RDX: variants seen among roughly 807,000 people sequenced by gnomAD.
RDX encodes the protein deafness, autosomal recessive 24.
A neutral mutation model predicts 83.7 loss-of-function variants in RDX; 32 were observed. The observed-to-expected ratio is 0.38, with a 90% CI of 0.29 to 0.51. The LOEUF (loss-of-function observed/expected upper bound fraction) is 0.51, where lower values mean the gene tolerates loss of function less well. RDX is among the 20% of genes least tolerant of loss of function. RDX has a pLI of 0.87. For synonymous variants in RDX, 229 were observed against 222.7 expected (o/e 1.03, Z -0.25); for missense variants, 600 against 689.9 (o/e 0.87, Z 1.46).
intron 5 of RDX, 30 bp from the exon 6 acceptor site, chr11:110,258,219 T>C (rs757531062): frequency 7.6e-7 from 1 of 1,320,838 alleles, no homozygotes; most frequent in South Asian, 1.3e-5. Context: ...AAAAAAATTA[T>C]AATGACTTTA....
At chr11:110,205,750 G>A (rs1863580133) in intron 14 of RDX, among the ~76,000 whole-genome samples, 1 of 152,158 alleles carries the variant, frequency 6.6e-6, no homozygotes. Context: ...TTAGTGATAT[G>A]AAGTGTGGCG....
intron 14 of RDX, among the ~76,000 whole-genome samples, chr11:110,208,011 A>T (rs1172851900): frequency 6.7e-6 from 1 of 149,818 alleles, no homozygotes; most frequent in East Asian, 1.9e-4. Context: ...TTTAATAGAG[A>T]CGGGGCACCA....
chr11:110,239,980 C>T lies in RDX; in HGVS notation c.1091-2328G>A, dbSNP rs550247342. Among the ~76,000 whole-genome samples the T allele has an allele frequency of 5.9e-5, 9 of 152,236 alleles. No individual in the cohort carries two copies. In the South Asian group the frequency reaches 1.9e-3, roughly 32 times the overall value. ...TAGAGTCCTCAAAAAACTAAAACTACGGAATTACCATAGTATCCAGCAATA... is the reference window on the plus strand; with the variant it reads ...TAGAGTCCTCAAAAAACTAAAACTATGGAATTACCATAGTATCCAGCAATA... On this transcript the variant is annotated intron_variant, in intron 10 of 13. Transcript: ENST00000645495.
chr11:110,275,376 T>C (rs1254325081), intron 2 of RDX, among the ~76,000 whole-genome samples: 3 of 152,202 alleles, frequency 2.0e-5, no homozygotes, highest in Non-Finnish European at 4.4e-5. Context: ...ATTTCAGCCT[T>C]ATAAGACTTT....
intron 9 of RDX, among the ~76,000 whole-genome samples, chr11:110,249,741 G>A (rs974239472): frequency 6.6e-6 from 1 of 152,192 alleles, no homozygotes; most frequent in African/African-American, 2.4e-5. Flanking sequence ...CGGGCATGGT[G>A]TGTGTACCCA....
At chr11:110,251,512 C>T (rs1040393845) in intron 9 of RDX, among the ~76,000 whole-genome samples, 31 of 152,068 alleles carry the variant, frequency 2.0e-4, no homozygotes, top group Non-Finnish European at 3.7e-4. Context: ...ATTATCTGTT[C>T]GATTGAGTGT....
intron 15 of RDX, among the ~76,000 whole-genome samples, chr11:110,177,385 C>A (rs1335922902): frequency 6.6e-6 from 1 of 152,164 alleles, no homozygotes; most frequent in Non-Finnish European, 1.5e-5. Context: ...AAAAGGTGAT[C>A]TTTTAACCCA....
In RDX at chr11:110,230,137, G is replaced by C. The variant is rs1159216521; in HGVS notation, c.*1732C>G. The C allele has an allele frequency of 3.3e-5, 5 of 152,222 alleles. No individual in the cohort carries two copies. Among genetic ancestry groups the C allele is most frequent in the Non-Finnish European group, 7.4e-5 (5 of 67,980 alleles). The allele number at this position is 152,222 out of a possible 1,614,324, so 9.4% of individuals were successfully genotyped here. A position where few individuals can be genotyped will look rare whatever the true frequency, so the allele number is the denominator to read the frequency against. ...AGTCAGCAAAATCAAAAAAGCACAA[G>C]AGATATTTTCAGACACAACTTGAAT... On this transcript the variant is annotated 3_prime_UTR_variant, in exon 14 of 14. Transcript: ENST00000645495.
rs533591705 is a variant in RDX at position 110,177,200 on chromosome 11, G to A, written c.*32-1966C>T. ...CCCACCTCCACCCGGGGACAGGAACGGTGAGACTCCAACCACTCCCTGGCT... is the reference window on the plus strand; with the variant it reads ...CCCACCTCCACCCGGGGACAGGAACAGTGAGACTCCAACCACTCCCTGGCT... On this transcript the variant is annotated intron_variant, in intron 15 of 15. Coordinates refer to the RDX transcript ENST00000528498. 8.5e-5 allele frequency among the ~76,000 whole-genome samples: 13 copies of A among 152,350 alleles called. No homozygotes were observed. In the South Asian group the frequency reaches 2.5e-3, roughly 29 times the overall value.
chr11:110,268,983 T>TA (rs1860180735), intron 3 of RDX, among the ~76,000 whole-genome samples: 1 of 148,956 alleles, frequency 6.7e-6, no homozygotes, highest in African/African-American at 2.5e-5. Context: ...ATATATATAT[T>TA]TTTTTAATTA....
intron 15 of RDX, chr11:110,179,733 C>A: frequency 3.8e-6 from 1 of 265,934 alleles, no homozygotes; most frequent in South Asian, 4.1e-5. Flanking sequence ...GATCATACCA[C>A]TGTACTCCAG....
chr11:110,201,728 C>T (rs1010304097), intron 14 of RDX, among the ~76,000 whole-genome samples: 1 of 152,020 alleles, frequency 6.6e-6, no homozygotes, highest in Non-Finnish European at 1.5e-5. Context: ...TAATAAGGGA[C>T]GCAAACCTAG....
intron 5 of RDX, among the ~76,000 whole-genome samples, chr11:110,261,638 T>C (rs1287646317): frequency 6.6e-6 from 1 of 152,160 alleles, no homozygotes; most frequent in Non-Finnish European, 1.5e-5. Context: ...AAAAATGGTA[T>C]TCTAACTTTA....
chr11:110,260,215 GC>G (rs1859747294), intron 5 of RDX, among the ~76,000 whole-genome samples: 2 of 151,970 alleles, frequency 1.3e-5, no homozygotes, highest in African/African-American at 4.8e-5. Context: ...TGAACTCCCA[GC>G]CTCAGGTGAT....
At chr11:110,271,279 A>G (rs1030027765) in intron 3 of RDX, among the ~76,000 whole-genome samples, 1 of 152,316 alleles carries the variant, frequency 6.6e-6, no homozygotes, top group African/African-American at 2.4e-5. Context: ...AACTAACAAA[A>G]CCAAAGTATC....
At chr11:110,289,996 G>A (rs777650248) in intron 1 of RDX, among the ~76,000 whole-genome samples, 15 of 112,094 alleles carry the variant, frequency 1.3e-4, no homozygotes, top group East Asian at 2.6e-4. Flanking sequence ...GGGTCCTTAC[G>A]TTGCATTAAT....
intron 15 of RDX, among the ~76,000 whole-genome samples, chr11:110,187,304 T>G (rs922711546): frequency 6.6e-6 from 1 of 152,134 alleles, no homozygotes; most frequent in African/African-American, 2.4e-5. Flanking sequence ...CTCCAGGCAT[T>G]TGGAGCACCT....
rs376396075 is a variant in RDX, at chr11:110,206,457, T to C, written c.1749-6779A>G. 9.2e-5 allele frequency among the ~76,000 whole-genome samples: 14 copies of C among 152,170 alleles called. No homozygotes were observed. In the East Asian group the frequency reaches 2.7e-3, roughly 29 times the overall value. On this transcript the variant is annotated intron_variant, in intron 14 of 15. Coordinates refer to the RDX transcript ENST00000528498. ...AATTACAAAAAAAAAACTAGTTGTATAAAGTTCATGTGTGGGCAAAACTAG... is the reference window on the plus strand; with the variant it reads ...AATTACAAAAAAAAAACTAGTTGTACAAAGTTCATGTGTGGGCAAAACTAG...
intron 14 of RDX, among the ~76,000 whole-genome samples, chr11:110,211,176 G>C (rs949124019): frequency 6.6e-6 from 1 of 152,118 alleles, no homozygotes; most frequent in African/African-American, 2.4e-5. Flanking sequence ...AAAAAAGGCA[G>C]GGGTTGCAAT....
Sources: allele counts gnomAD v4.1 joint callset (sites outside exome capture counted in the v4.1 genomes callset), GRCh38; gene constraint gnomAD v4.1.1; transcripts MANE v1.5; gene names NCBI Gene and HGNC (gene_info 2026-07-23, HGNC 2026-07-21).